Variants in DNAH7 observed in about 807,000 individuals in gnomAD.
DNAH7 encodes axonemal beta dynein heavy chain 7.
A neutral mutation model predicts 444.6 loss-of-function variants in DNAH7; 397 were observed. The observed-to-expected ratio is 0.89, with a 90% CI of 0.82 to 0.97. The LOEUF (loss-of-function observed/expected upper bound fraction) is 0.97, where lower values mean the gene tolerates loss of function less well. DNAH7 is among the 50% of genes least tolerant of loss of function. The pLI is 0.00. For synonymous variants in DNAH7, 1,636 were observed against 1,624.4 expected (o/e 1.01, Z -0.17); for missense variants, 4,902 against 4,800.8 (o/e 1.02, Z -0.62).
chr2:195,763,919 TCAAA>T (rs1479213621), intron 61 of DNAH7, among the ~76,000 whole-genome samples: 1 of 151,386 alleles, frequency 6.6e-6, no homozygotes, highest in African/African-American at 2.4e-5. Context: ...CAAAGACATA[TCAAA>T]CAAAGAAAAC....
intron 60 of DNAH7, among the ~76,000 whole-genome samples, chr2:195,774,780 G>C (rs1184260609): frequency 6.6e-6 from 1 of 152,208 alleles, no homozygotes; most frequent in Admixed American, 6.5e-5. Flanking sequence ...CACTAGTACA[G>C]AGTAAGCACT....
intron 31 of DNAH7, among the ~76,000 whole-genome samples, chr2:195,889,867 T>C (rs1701915810): frequency 6.6e-6 from 1 of 151,978 alleles, no homozygotes; most frequent in African/African-American, 2.4e-5. Flanking sequence ...GTATAGAAAA[T>C]TACAACCAAT....
intron 54 of DNAH7, among the ~76,000 whole-genome samples, chr2:195,802,680 A>G (rs1223682661): frequency 6.6e-6 from 1 of 152,030 alleles, no homozygotes; most frequent in African/African-American, 2.4e-5. Context: ...AAAAAAAACA[A>G]AATCAAAAAG....
intron 40 of DNAH7, among the ~76,000 whole-genome samples, chr2:195,871,897 C>A (rs1264775689): frequency 3.4e-5 from 4 of 117,862 alleles, no homozygotes. Flanking sequence ...CGCCACTGCA[C>A]TCCAGCCTGG....
At chr2:195,960,191 G>T (rs13432564) in intron 18 of DNAH7, 69 bp downstream of exon 18, 10 of 1,284,996 alleles carry the variant, frequency 7.8e-6, no homozygotes, top group Admixed American at 2.4e-5. Flanking sequence ...ATTCTCAAAA[G>T]AACTTTACAT....
intron 59 of DNAH7, among the ~76,000 whole-genome samples, chr2:195,776,502 C>T (rs920491360): frequency 1.3e-5 from 2 of 151,842 alleles, no homozygotes; most frequent in Non-Finnish European, 2.9e-5. Context: ...GAAAATGTAC[C>T]TTTCAATTGG....
chr2:195,957,557 A>G (rs528886599), intron 18 of DNAH7, 110 bp from the exon 19 acceptor site: 1 of 577,682 alleles, frequency 1.7e-6, no homozygotes, highest in Admixed American at 3.9e-5. Context: ...ATGTTATACA[A>G]TTGTTATACA....
At chr2:196,014,980 T>G (rs1694927412) in intron 9 of DNAH7, among the ~76,000 whole-genome samples, 1 of 152,182 alleles carries the variant, frequency 6.6e-6, no homozygotes, top group Admixed American at 6.6e-5. Context: ...TATCAATGGA[T>G]GCTGGCTTGT....
chr2:195,811,216 T>C (rs1322715551), intron 51 of DNAH7, among the ~76,000 whole-genome samples: 1 of 152,234 alleles, frequency 6.6e-6, no homozygotes, highest in Non-Finnish European at 1.5e-5. Context: ...GAAAGGAATT[T>C]ATATCAGGAA....
chr2:195,784,335 A>G (rs1695514932), intron 58 of DNAH7, among the ~76,000 whole-genome samples: 1 of 152,182 alleles, frequency 6.6e-6, no homozygotes, highest in South Asian at 2.1e-4. Flanking sequence ...AGGATGTCAT[A>G]TAGTCGAAAT....
At chr2:195,742,083 TA>T (rs1301859190) in intron 63 of DNAH7, among the ~76,000 whole-genome samples, 1 of 152,174 alleles carries the variant, frequency 6.6e-6, no homozygotes, top group Non-Finnish European at 1.5e-5. Context: ...ACTTGTCCAA[TA>T]ACTGCCAGTG....
intron 61 of DNAH7, among the ~76,000 whole-genome samples, chr2:195,757,681 T>C (rs1164301334): frequency 6.6e-6 from 1 of 152,156 alleles, no homozygotes; most frequent in Admixed American, 6.5e-5. Context: ...AGAAAGCATA[T>C]GGACTGCTGG....
At position 195,806,825 on chromosome 2, in the gene DNAH7, T is replaced by C. The variant is rs1321063097; in HGVS notation, c.10091A>G (p.His3364Arg). The C allele has an allele frequency of 1.2e-6, 2 of 1,612,712 alleles. No homozygotes were observed. The highest frequency in any genetic ancestry group is 2.7e-5 in the African/African-American group (2 of 74,902). The change falls in exon 54 of 65, where the codon CAC becomes CGC. Residue 3364 changes from histidine to arginine, a missense_variant. Coordinates refer to ENST00000312428, the MANE Select transcript of DNAH7 (RefSeq NM_018897.3). ...CCATTCTTCAGGGAAAACCTCATGG[T>C]GTGGTTCCTAAAATTACAGTGTAAA... The part of the protein sequence containing the change: ...WKKVYDSLEP[H>R]HEVFPEEWED...
chr2:195,911,981 G>C (rs1450232149), intron 24 of DNAH7, among the ~76,000 whole-genome samples: 1 of 152,088 alleles, frequency 6.6e-6, no homozygotes, highest in Non-Finnish European at 1.5e-5. Flanking sequence ...CTATTTAATA[G>C]GGTTCTTTCT....
At chr2:195,797,420 A>C (rs866070197) in intron 55 of DNAH7, among the ~76,000 whole-genome samples, 2 of 152,184 alleles carry the variant, frequency 1.3e-5, no homozygotes, top group Admixed American at 6.5e-5. Flanking sequence ...AGCAGAAAAC[A>C]AAGTAGAGCT....
intron 64 of DNAH7, 116 bp downstream of exon 64, chr2:195,740,650 T>TATACACAC (rs1453163601): frequency 2.1e-4 from 15 of 72,196 alleles, no homozygotes; most frequent in African/African-American, 9.9e-4. Flanking sequence ...TATATACATA[T>TATACACAC]ACACACACAC....
Position 195,799,339 on chromosome 2 carries a change from C to G in DNAH7, c.10310G>C (p.Gly3437Ala), listed in dbSNP as rs934084869. Reference protein sequence around the residue: ...CAPLIFVLSPGADPMAALLKF... With the variant: ...CAPLIFVLSPAADPMAALLKF... ...TAGAAGGGCAGCCATGGGATCTGCT[C>G]CAGGAGAGAGCACGAAAATCAGTGG... The change falls in exon 55 of 65, where the codon GGA becomes GCA. Residue 3437 changes from glycine (G) to alanine (A), a missense_variant. Transcript: ENST00000312428. 14 of 1,609,854 alleles carry G rather than the reference C, an allele frequency of 8.7e-6. No individual in the cohort carries two copies. The highest frequency in any genetic ancestry group is 2.7e-5 in the African/African-American group (2 of 74,706).
intron 40 of DNAH7, among the ~76,000 whole-genome samples, chr2:195,867,806 A>T (rs1700433589): frequency 6.6e-6 from 1 of 152,258 alleles, no homozygotes; most frequent in East Asian, 1.9e-4. Flanking sequence ...TGTATTTACA[A>T]TATTTTGTTT....
intron 22 of DNAH7, among the ~76,000 whole-genome samples, chr2:195,925,321 G>A (rs1574787318): frequency 1.3e-5 from 2 of 152,262 alleles, no homozygotes; most frequent in Admixed American, 1.3e-4. Flanking sequence ...CCCCTGGCGG[G>A]CCACCTTGGA....
Sources: allele counts gnomAD v4.1 joint callset (sites outside exome capture counted in the v4.1 genomes callset), GRCh38; gene constraint gnomAD v4.1.1; transcripts MANE v1.5; gene names NCBI Gene and HGNC (gene_info 2026-07-23, HGNC 2026-07-21).